CDK16: variants seen among roughly 807,000 people sequenced by gnomAD.
CDK16 encodes the protein cyclin dependent kinase 16, also known as cyclin-dependent kinase 16.
CDK16 carries 2 observed loss-of-function variants against 41.6 expected under a neutral mutation model. The ratio of observed to expected loss-of-function variants is 0.05; its 90% CI spans 0.02 to 0.15. The LOEUF is 0.15. Ranked by LOEUF, CDK16 falls within the 10% of genes least tolerant of loss-of-function variation. CDK16 has a pLI of 1.00. For synonymous variants in CDK16, 169 were observed against 169.7 expected, an observed-to-expected ratio of 1.00 and a Z score of 0.03; for missense variants, 228 against 428.9, an observed-to-expected ratio of 0.53 and a Z score of 4.14.
intron 10 of CDK16, 23 bp downstream of exon 10, chrX:47,226,726 C>G (rs1937556322): frequency 8.4e-7 from 1 of 1,196,227 alleles, no homozygotes; most frequent in Non-Finnish European, 1.1e-6. Context: ...GGAAGTGTGG[C>G]AGGGGCCATG....
intron 1 of CDK16, chrX:47,222,966 C>A (rs1426488776): frequency 8.7e-6 from 7 of 802,452 alleles, no homozygotes; most frequent in African/African-American, 2.3e-5. Context: ...CTCCCCCCCC[C>A]CACCTGGGTA....
chrX:47,219,144 C>T (rs1468377446), intron 1 of CDK16, 39 bp downstream of exon 1: 2 of 786,502 alleles, frequency 2.5e-6, no homozygotes, highest in Non-Finnish European at 3.0e-6. Flanking sequence ...GCCCCTCCTC[C>T]TTCAGAACCC....
At chrX:47,223,028 A>G in intron 1 of CDK16, 2 of 1,127,375 alleles carry the variant, frequency 1.8e-6, no homozygotes, top group East Asian at 3.4e-5. Context: ...TAGAGAAGTC[A>G]GGAAGAGGGT....
In CDK16 at chrX:47,229,359, G is replaced by A. The variant is rs969650246; in HGVS notation, c.*591G>A. The A allele has an allele frequency of 2.1e-4, 68 of 320,194 alleles. No homozygotes were observed. The highest frequency in any genetic ancestry group is 4.0e-4 in the Non-Finnish European group (66 of 166,120). The allele number at this position is 320,194 out of a possible 1,213,427, so 26.4% of individuals were successfully genotyped here. Reference sequence around the variant, plus strand: ...GGCTGGGCCCCACCCCCTGCGTGTGGCCCTCCCACAGTATTTTGTGCAATG... The same window carrying A: ...GGCTGGGCCCCACCCCCTGCGTGTGACCCTCCCACAGTATTTTGTGCAATG... On this transcript the variant is annotated 3_prime_UTR_variant, in exon 16 of 16. Coordinates refer to ENST00000357227, the MANE Select transcript of CDK16 (RefSeq NM_006201.5).
Position 47,229,223 on chromosome X carries a change from C to A in CDK16, c.*455C>A. ...CTGCTTTCCTGCCTGCCCCACCTGC[C>A]TCATATTGTGTGGGCCTTTTTTTGT... On this transcript the variant is annotated 3_prime_UTR_variant, in exon 16 of 16. Coordinates refer to ENST00000357227, the MANE Select transcript of CDK16 (RefSeq NM_006201.5). The A allele has an allele frequency of 4.0e-6, 1 of 247,571 alleles. No individual in the cohort carries two copies. Among genetic ancestry groups the A allele is most frequent in the Non-Finnish European group, 7.3e-6 (1 of 137,879 alleles). 20.4% of individuals were successfully genotyped at this position (247,571 alleles called of 1,213,427 possible).
At chrX:47,223,515 A>T (rs369198498) in intron 1 of CDK16, 37 bp from the exon 2 acceptor site, 324 of 1,173,273 alleles carry the variant, frequency 2.8e-4, no homozygotes, top group Non-Finnish European at 3.4e-4. Flanking sequence ...AGCAAATGCT[A>T]ATAAGAGACC....
intron 1 of CDK16, chrX:47,222,950 GCTCCC>G: frequency 8.1e-6 from 6 of 741,187 alleles, no homozygotes; most frequent in Non-Finnish European, 1.0e-5. Flanking sequence ...CCTGACACAC[GCTCCC>G]CTCCCCCCCC....
At chrX:47,219,216 A>T in intron 1 of CDK16, 111 bp downstream of exon 1, 1 of 699,757 alleles carries the variant, frequency 1.4e-6, no homozygotes, top group Non-Finnish European at 1.7e-6. Flanking sequence ...CCCCCGGCGA[A>T]TTTCCCAGAA....
chrX:47,229,601 G>T lies in CDK16; in HGVS notation c.*833G>T. On this transcript the variant is annotated 3_prime_UTR_variant, in exon 16 of 16. Transcript: ENST00000357227. ...CCCACTCTTTCTCTCCTGCAGTCCC[G>T]TAGCTGGGGCCTCCTTCCTTCTCAG... The T allele has an allele frequency of 4.5e-6, 1 of 224,452 alleles. No homozygotes were observed. Among genetic ancestry groups the T allele is most frequent in the Non-Finnish European group, 8.4e-6 (1 of 119,420 alleles). The allele number at this position is 224,452 out of a possible 1,213,427, so 18.5% of individuals were successfully genotyped here.
In CDK16 at chrX:47,225,979, G is replaced by A. The variant is rs1168499555; in HGVS notation, c.744G>A (p.Lys248=). 2.5e-6 allele frequency: 3 copies of A among 1,203,432 alleles called. No individual in the cohort carries two copies. In the South Asian group the frequency reaches 5.4e-5, roughly 22 times the overall value. Residue 248 remains lysine (K), a synonymous_variant, in exon 8 of 16, where the codon AAG becomes AAA. Coordinates refer to ENST00000357227, the MANE Select transcript of CDK16 (RefSeq NM_006201.5). ...TCTTTCCTCAGGACAAGGACCTGAA[G>A]CAGTACCTGGATGACTGTGGGAACA... is the stretch of plus-strand genomic sequence containing the variant. ...LVFEYLDKDL[K]QYLDDCGNII...
chrX:47,222,880 C>G, intron 1 of CDK16: 2 of 364,819 alleles, frequency 5.5e-6, no homozygotes, highest in Admixed American at 4.6e-5. Context: ...AGCTGGTGTA[C>G]ACTGAGACCC....
chrX:47,221,987 G>A (rs956579232), intron 1 of CDK16: 1 of 112,067 alleles, frequency 8.9e-6, no homozygotes, highest in African/African-American at 3.2e-5. Flanking sequence ...GAGTCCAGAT[G>A]GTTCCTGGGT....
At chrX:47,223,437 T>G in intron 1 of CDK16, 115 bp from the exon 2 acceptor site, 1 of 982,385 alleles carries the variant, frequency 1.0e-6, no homozygotes, top group South Asian at 2.2e-5. Flanking sequence ...AGTGGTTGAG[T>G]GAGCACTGAC....
At position 47,223,111 on chromosome X, in the gene CDK16, C is replaced by G. The variant is rs1177667066; in HGVS notation, c.-6-441C>G. ...TAGGGGAACTATGCCACTCTATGGCCGTGCTCGAGACCATGTCACCCATCC... is the reference window on the plus strand; with the variant it reads ...TAGGGGAACTATGCCACTCTATGGCGGTGCTCGAGACCATGTCACCCATCC... On this transcript the variant is annotated intron_variant, in intron 1 of 15. Transcript: ENST00000357227. The G allele has an allele frequency of 8.6e-7, 1 of 1,156,491 alleles. No individual in the cohort carries two copies. The highest frequency in any genetic ancestry group is 1.1e-6 in the Non-Finnish European group (1 of 872,703).
In CDK16 at chrX:47,218,725, G is replaced by GGC. The variant is rs1937185178; in HGVS notation, c.-379_-378dup. On this transcript the variant is annotated 5_prime_UTR_variant, in exon 1 of 16. The change abolishes the stop of an existing upstream ORF in the 5' untranslated region. Transcript: ENST00000357227. ...GCCTGCGTGCGCATGCGCGGAGCGC[G>GGC]GCGCGCGCGGCGGTTGGGCCGTTGG... 2 of 1,161,257 alleles carry GGC rather than the reference G, an allele frequency of 1.7e-6. No homozygotes were observed. The highest frequency in any genetic ancestry group is 2.3e-6 in the Non-Finnish European group (2 of 870,993).
Position 47,224,857 on chromosome X carries a change from G to A in CDK16, c.486G>A (p.Leu162=). ...AGTCTGAGATTGGCTTTGGGAAACT[G>A]GAGACCTACATTAAGCTGGACAAAC... ...VSLSEIGFGK[L]ETYIKLDKLG... Residue 162 remains leucine, a synonymous_variant, in exon 5 of 16, where the codon CTG becomes CTA. Coordinates refer to ENST00000357227, the MANE Select transcript of CDK16 (RefSeq NM_006201.5). 2 of 1,211,577 alleles carry A rather than the reference G, an allele frequency of 1.7e-6. No individual in the cohort carries two copies. The highest frequency in any genetic ancestry group is 2.2e-6 in the Non-Finnish European group (2 of 895,506).
chrX:47,221,570 A>G (rs1937337572), intron 1 of CDK16, among the ~76,000 whole-genome samples: 1 of 110,786 alleles, frequency 9.0e-6, no homozygotes, highest in Admixed American at 9.5e-5. Context: ...ATTCAGCCCT[A>G]CTTCCAGTCT....
chrX:47,229,534 G>A lies in CDK16; in HGVS notation c.*766G>A, dbSNP rs1049461400. ...GCCATCCCCAGTTGCAGGGGGATCTGGGGACTACCAGAGACTCTGGGAAAT... is the reference window on the plus strand; with the variant it reads ...GCCATCCCCAGTTGCAGGGGGATCTAGGGACTACCAGAGACTCTGGGAAAT... On this transcript the variant is annotated 3_prime_UTR_variant, in exon 16 of 16. Coordinates refer to ENST00000357227, the MANE Select transcript of CDK16 (RefSeq NM_006201.5). The A allele has an allele frequency of 4.2e-6, 1 of 240,950 alleles. No homozygotes were observed. The highest frequency in any genetic ancestry group is 7.9e-6 in the Non-Finnish European group (1 of 126,373). The allele number at this position is 240,950 out of a possible 1,213,427, so 19.9% of individuals were successfully genotyped here. A position where few individuals can be genotyped will look rare whatever the true frequency, so the allele number is the denominator to read the frequency against.
At chrX:47,219,311 T>C (rs1229226704) in intron 1 of CDK16, among the ~76,000 whole-genome samples, 1 of 108,501 alleles carries the variant, frequency 9.2e-6, no homozygotes. Context: ...TGGGTAGTGC[T>C]GTGGGTGCTA....
Sources: gnomAD v4.1 joint callset for allele counts (sites outside exome capture counted in the v4.1 genomes callset) on GRCh38, gnomAD v4.1.1 for gene constraint, MANE v1.5 for transcripts, NCBI Gene and HGNC (gene_info 2026-07-23, HGNC 2026-07-21) for gene names.